The following CEP290 variants were observed in gnomAD, a reference collection of about 807,000 sequenced individuals.
The protein encoded by CEP290 is centrosomal protein of 290 kDa.
CEP290 carries 317 observed loss-of-function variants against 344.9 expected under a neutral mutation model. That is an observed-to-expected ratio of 0.92 (90% confidence interval 0.84 to 1.01). The LOEUF is 1.01. Ranked by LOEUF, CEP290 falls within the 50% of genes least tolerant of loss-of-function variation. CEP290 has a pLI of 0.00. For synonymous variants in CEP290, 932 were observed against 895.8 expected, an observed-to-expected ratio of 1.04 and a Z score of -0.72; for missense variants, 2,754 against 2,761.4, an observed-to-expected ratio of 1.00 and a Z score of 0.06.
chr12:88,135,306 C>T (rs892659122), intron 6 of CEP290, among the ~76,000 whole-genome samples: 1 of 152,090 alleles, frequency 6.6e-6, no homozygotes. Context: ...TGAAAAAAGA[C>T]AATAGTCTAA....
intron 38 of CEP290, among the ~76,000 whole-genome samples, chr12:88,079,705 T>TA (rs971479357): frequency 7.2e-5 from 11 of 151,732 alleles, no homozygotes; most frequent in Admixed American, 2.0e-4. Context: ...TGAGATAAAC[T>TA]AAAAAAAACC....
chr12:88,075,561 G>T (rs867272380), intron 41 of CEP290, among the ~76,000 whole-genome samples: 7 of 151,814 alleles, frequency 4.6e-5, no homozygotes, highest in African/African-American at 1.7e-4. Context: ...AAAAAAAGAT[G>T]AACAAAAGAC....
At chr12:88,134,290 A>G (rs1177047627) in intron 6 of CEP290, among the ~76,000 whole-genome samples, 2 of 152,188 alleles carry the variant, frequency 1.3e-5, no homozygotes, top group Non-Finnish European at 2.9e-5. Flanking sequence ...AACCAATTAC[A>G]TTCACCACAT....
At chr12:88,065,537 CA>C (rs2034854465) in intron 44 of CEP290, among the ~76,000 whole-genome samples, 1 of 152,144 alleles carries the variant, frequency 6.6e-6, no homozygotes, top group African/African-American at 2.4e-5. Flanking sequence ...AGGCATTAGA[CA>C]GGATAACTTT....
intron 26 of CEP290, among the ~76,000 whole-genome samples, chr12:88,097,610 T>TACACACACATACAC (rs1555213434): frequency 6.9e-6 from 1 of 144,246 alleles, no homozygotes; most frequent in Admixed American, 7.2e-5. Context: ...CACACACACA[T>TACACACACATACAC]ACACACACAC....
At chr12:88,081,819 A>C (rs1430589830) in intron 37 of CEP290, among the ~76,000 whole-genome samples, 2 of 152,226 alleles carry the variant, frequency 1.3e-5, no homozygotes, top group Non-Finnish European at 2.9e-5. Flanking sequence ...CACAAATTAG[A>C]TGCAAAAGCA....
intron 10 of CEP290, 89 bp from the exon 11 acceptor site, chr12:88,129,124 A>T (rs2039910575): frequency 1.7e-6 from 1 of 593,814 alleles, no homozygotes; most frequent in Non-Finnish European, 2.6e-6. Context: ...TTATATATAT[A>T]AATATATCTA....
intron 34 of CEP290, 98 bp from the exon 35 acceptor site, chr12:88,084,950 C>A: frequency 1.0e-6 from 1 of 960,848 alleles, no homozygotes; most frequent in South Asian, 1.8e-5. Flanking sequence ...AAAAAATTCA[C>A]TTTATTTTTC....
chr12:88,068,467 T>C (rs2035107086), intron 44 of CEP290, 55 bp downstream of exon 44: 1 of 1,200,836 alleles, frequency 8.3e-7, no homozygotes, highest in African/African-American at 1.6e-5. Context: ...TTGATTTCAC[T>C]TTCATGCATT....
chr12:88,053,005 G>C (rs551170151), intron 52 of CEP290, among the ~76,000 whole-genome samples: 6 of 152,158 alleles, frequency 3.9e-5, no homozygotes, highest in African/African-American at 1.4e-4. Flanking sequence ...CCAAGGCTCT[G>C]TGGATGTTTG....
At chr12:88,052,387 A>T (rs574221443) in intron 52 of CEP290, among the ~76,000 whole-genome samples, 3 of 152,270 alleles carry the variant, frequency 2.0e-5, no homozygotes, top group East Asian at 3.9e-4. Context: ...TACACTATGG[A>T]ATTATTAAAT....
At chr12:88,115,388 C>A in intron 18 of CEP290, 1 of 845,534 alleles carries the variant, frequency 1.2e-6, no homozygotes. Context: ...TTCTCCCTCT[C>A]CCAACATCCA....
intron 19 of CEP290, 23 bp from the exon 20 acceptor site, chr12:88,114,585 T>C (rs1203566635): frequency 2.2e-5 from 33 of 1,516,138 alleles, no homozygotes; most frequent in South Asian, 2.6e-5. Flanking sequence ...AGTTTTCTCA[T>C]TGGATGATCA....
At chr12:88,129,129 TATCTACATACACACAC>T (rs2039911104) in intron 10 of CEP290, 94 bp from the exon 11 acceptor site, 1 of 564,734 alleles carries the variant, frequency 1.8e-6, no homozygotes, top group Non-Finnish European at 2.8e-6. Flanking sequence ...TATATAAATA[TATCTACATACACACAC>T]ATACGTATTC....
intron 21 of CEP290, 64 bp from the exon 22 acceptor site, chr12:88,111,415 G>C: frequency 7.0e-7 from 1 of 1,428,648 alleles, no homozygotes; most frequent in Non-Finnish European, 9.4e-7. Flanking sequence ...CAAATTGACA[G>C]ATATGTGAAT....
At chr12:88,094,292 T>C (rs578067490) in intron 27 of CEP290, among the ~76,000 whole-genome samples, 46 of 151,936 alleles carry the variant, frequency 3.0e-4, no homozygotes, top group African/African-American at 1.1e-3. Flanking sequence ...ATTTTAAAAA[T>C]GGCAAGTAAA....
rs2037145829 is a variant in CEP290, at chr12:88,092,745, C to T, written c.3397G>A (p.Ala1133Thr). The T allele has an allele frequency of 6.2e-7, 1 of 1,609,906 alleles. No individual in the cohort carries two copies. Among genetic ancestry groups the T allele is most frequent in the Admixed American group, 1.7e-5 (1 of 59,332 alleles). The change falls in exon 29 of 54, where the codon GCT becomes ACT. Residue 1133 changes from alanine (A) to threonine (T), a missense_variant. Transcript: ENST00000552810. The part of the protein sequence containing the change: ...ADSVSKAVSD[A>T]DRQRILELEK... The stretch of plus-strand genomic sequence containing the variant: ...AATTCTAGAATCCGTTGCCTATCAG[C>T]ATCACTTACTGCCTTGCTCACACTA...
intron 6 of CEP290, among the ~76,000 whole-genome samples, chr12:88,131,679 T>C (rs572158991): frequency 1.9e-3 from 294 of 152,260 alleles, no homozygotes; most frequent in Middle Eastern, 0.017. Flanking sequence ...ACCTAACACA[T>C]AAATAATAGG....
intron 25 of CEP290, among the ~76,000 whole-genome samples, chr12:88,106,014 C>T (rs1293049513): frequency 6.6e-6 from 1 of 152,110 alleles, no homozygotes; most frequent in Non-Finnish European, 1.5e-5. Flanking sequence ...CCTGGGCCTT[C>T]CAAAATGTTG....
Sources: allele counts gnomAD v4.1 joint callset (sites outside exome capture counted in the v4.1 genomes callset), GRCh38; gene constraint gnomAD v4.1.1; transcripts MANE v1.5; gene names NCBI Gene and HGNC (gene_info 2026-07-23, HGNC 2026-07-21).